The following AGMO variants were observed in gnomAD, a reference collection of about 807,000 sequenced individuals.
The protein encoded by AGMO is glyceryl-ether monooxygenase.
Under a neutral mutation model 60.2 loss-of-function variants are expected in AGMO, and 75 were observed. That is an observed-to-expected ratio of 1.25 (90% CI 1.03 to 1.51). The LOEUF is 1.51. Ranked by LOEUF, AGMO falls within the 40% of genes most tolerant of loss-of-function variation. AGMO has a pLI of 0.00. For synonymous variants in AGMO, 261 were observed against 177.1 expected, an observed-to-expected ratio of 1.47 and a Z score of -3.76; for missense variants, 763 against 525.5, an observed-to-expected ratio of 1.45 and a Z score of -4.42.
At chr7:15,270,635 T>TTTTTTTTTTG (rs1563063233) in intron 12 of AGMO, among the ~76,000 whole-genome samples, 3 of 116,300 alleles carry the variant, frequency 2.6e-5, no homozygotes, top group African/African-American at 1.0e-4. Flanking sequence ...TTTTTTTTTT[T>TTTTTTTTTTG]TTGCTGTGCA....
At chr7:15,156,359 G>T in the AGMO span, among the ~76,000 whole-genome samples, 2 of 70,130 alleles carry the variant, frequency 2.9e-5, no homozygotes, top group African/African-American at 3.7e-5. Context: ...GAGGCTGGCG[G>T]ATAGGGGGTG....
the AGMO span, among the ~76,000 whole-genome samples, chr7:15,137,432 C>T: frequency 8.4e-4 from 128 of 152,168 alleles, no homozygotes; most frequent in Middle Eastern, 3.4e-3. Flanking sequence ...AAATTGTTAA[C>T]AGTTTAGTGT....
intron 10 of AGMO, among the ~76,000 whole-genome samples, chr7:15,381,275 A>G (rs906000750): frequency 6.6e-6 from 1 of 152,212 alleles, no homozygotes; most frequent in Non-Finnish European, 1.5e-5. Context: ...TTTGCAAACT[A>G]TGCATCCAAC....
intron 10 of AGMO, among the ~76,000 whole-genome samples, chr7:15,373,454 A>T (rs1783310390): frequency 6.6e-6 from 1 of 152,102 alleles, no homozygotes; most frequent in Non-Finnish European, 1.5e-5. Flanking sequence ...AAACAGCAGA[A>T]TTACATGTTT....
intron 3 of AGMO, among the ~76,000 whole-genome samples, chr7:15,487,160 A>G (rs1782945744): frequency 6.6e-6 from 1 of 152,252 alleles, no homozygotes; most frequent in African/African-American, 2.4e-5. Context: ...TTAAATAAAA[A>G]GTTATATTTT....
At chr7:15,543,633 C>T (rs1784690341) in intron 3 of AGMO, among the ~76,000 whole-genome samples, 1 of 151,990 alleles carries the variant, frequency 6.6e-6, no homozygotes, top group African/African-American at 2.4e-5. Flanking sequence ...AATAATTGTG[C>T]TGTGAAGTTT....
At chr7:15,262,354 T>A (rs1373125726) in intron 12 of AGMO, among the ~76,000 whole-genome samples, 1 of 151,962 alleles carries the variant, frequency 6.6e-6, no homozygotes, top group Middle Eastern at 3.4e-3. Flanking sequence ...GCTGAGATAT[T>A]AATAACTCAA....
In AGMO at chr7:15,485,306, G is replaced by C. The variant is rs185047465; in HGVS notation, c.410-54198C>G. 4.6e-5 allele frequency among the ~76,000 whole-genome samples: 7 copies of C among 151,694 alleles called. No individual in the cohort carries two copies. The East Asian group carries it at 1.4e-3, about 29-fold the overall frequency. On this transcript the variant is annotated intron_variant, in intron 3 of 12. Transcript: ENST00000342526. Reference sequence around the variant, plus strand: ...CACTCCAGGCTGTGAGACAGGGCAAGATTCTGTTTGAAAAAAAAAGAAAAA... The same window carrying C: ...CACTCCAGGCTGTGAGACAGGGCAACATTCTGTTTGAAAAAAAAAGAAAAA...
chr7:15,388,466 T>C (rs551821773), intron 8 of AGMO, among the ~76,000 whole-genome samples: 13 of 152,356 alleles, frequency 8.5e-5, no homozygotes, highest in African/African-American at 3.1e-4. Flanking sequence ...GAAGTTATAA[T>C]GTACATTAAT....
chr7:15,383,032 G>C (rs1783757126), intron 10 of AGMO, among the ~76,000 whole-genome samples: 1 of 150,972 alleles, frequency 6.6e-6, no homozygotes, highest in Non-Finnish European at 1.5e-5. Flanking sequence ...GTTCTTCATA[G>C]ACCATGAGGA....
chr7:15,187,390 C>T, the AGMO span, among the ~76,000 whole-genome samples: 1 of 152,296 alleles, frequency 6.6e-6, no homozygotes, highest in African/African-American at 2.4e-5. Flanking sequence ...TAACGATTTG[C>T]ATTTCCTCCA....
intron 12 of AGMO, among the ~76,000 whole-genome samples, chr7:15,285,755 A>G (rs969923329): frequency 6.6e-6 from 1 of 152,138 alleles, no homozygotes; most frequent in South Asian, 2.1e-4. Flanking sequence ...AATAACCTTA[A>G]TAGCTAAAGC....
intron 3 of AGMO, among the ~76,000 whole-genome samples, chr7:15,495,468 G>T (rs1783196139): frequency 6.6e-6 from 1 of 152,110 alleles, no homozygotes; most frequent in Non-Finnish European, 1.5e-5. Flanking sequence ...TACTAAGCCA[G>T]TTCATACATC....
the AGMO span, among the ~76,000 whole-genome samples, chr7:15,158,222 C>T: frequency 6.6e-6 from 1 of 152,112 alleles, no homozygotes; most frequent in African/African-American, 2.4e-5. Flanking sequence ...GGCTCTGTTA[C>T]TAGGTTTGGA....
intron 3 of AGMO, among the ~76,000 whole-genome samples, chr7:15,528,631 G>A (rs559389021): frequency 6.6e-5 from 10 of 152,060 alleles, no homozygotes; most frequent in South Asian, 6.2e-4. Context: ...CAGATGACTG[G>A]AATACAGACC....
At chr7:15,529,254 T>C (rs965229630) in intron 3 of AGMO, among the ~76,000 whole-genome samples, 6 of 151,704 alleles carry the variant, frequency 4.0e-5, no homozygotes, top group African/African-American at 1.5e-4. Context: ...GTGGTTATAT[T>C]TCAACATACA....
intron 12 of AGMO, among the ~76,000 whole-genome samples, chr7:15,249,992 C>T (rs549743362): frequency 3.3e-5 from 5 of 152,198 alleles, no homozygotes; most frequent in African/African-American, 7.2e-5. Flanking sequence ...AAGATTGCAC[C>T]GGTCAGTATT....
chr7:15,219,076 G>A (rs1478803995), intron 12 of AGMO, among the ~76,000 whole-genome samples: 4 of 151,932 alleles, frequency 2.6e-5, no homozygotes, highest in Non-Finnish European at 4.4e-5. Flanking sequence ...GATCAAATTT[G>A]TATTAAGTAC....
At chr7:15,299,842 C>CAT (rs1262652254) in intron 12 of AGMO, among the ~76,000 whole-genome samples, 27 of 121,930 alleles carry the variant, frequency 2.2e-4, no homozygotes, top group Admixed American at 6.1e-4. Flanking sequence ...CACACACACA[C>CAT]ACACACACAC....
Sources: allele counts gnomAD v4.1 joint callset (sites outside exome capture counted in the v4.1 genomes callset), GRCh38; gene constraint gnomAD v4.1.1; transcripts MANE v1.5; gene names NCBI Gene and HGNC (gene_info 2026-07-23, HGNC 2026-07-21).